Variants in KLC1 observed in about 807,000 individuals in gnomAD.
KLC1 encodes the protein kinesin light chain 1, also known as kinesin 2 60/70kDa.
In KLC1, 30 loss-of-function variants were observed where a neutral mutation model predicts 84.2. The ratio of observed to expected loss-of-function variants is 0.36; its 90% CI spans 0.27 to 0.48. The LOEUF (loss-of-function observed/expected upper bound fraction) is 0.48, where lower values mean the gene tolerates loss of function less well. KLC1 is among the 20% of genes least tolerant of loss of function. The pLI is 0.99. For missense variants in KLC1, 499 were observed against 805.4 expected (o/e 0.62, Z 4.60); for synonymous variants, 289 against 293.3 (o/e 0.99, Z 0.15).
At chr14:103,644,250 G>A (rs1231562211) in intron 1 of KLC1, among the ~76,000 whole-genome samples, 2 of 143,728 alleles carry the variant, frequency 1.4e-5, no homozygotes, top group African/African-American at 2.5e-5. Flanking sequence ...AGTTATTCTC[G>A]ATTCTTTCTA....
chr14:103,666,213 G>A (rs1005736519), intron 5 of KLC1, among the ~76,000 whole-genome samples: 2 of 152,072 alleles, frequency 1.3e-5, no homozygotes, highest in African/African-American at 2.4e-5. Context: ...ACAGGCGCCT[G>A]CCACCGCGCC....
intron 1 of KLC1, among the ~76,000 whole-genome samples, chr14:103,636,235 T>A (rs1175057951): frequency 2.0e-5 from 3 of 152,224 alleles, no homozygotes; most frequent in Non-Finnish European, 4.4e-5. Context: ...TTTTTATTTT[T>A]TTTGAGATGG....
chr14:103,642,688 A>T (rs1456760954), intron 1 of KLC1, among the ~76,000 whole-genome samples: 2 of 152,184 alleles, frequency 1.3e-5, no homozygotes, highest in African/African-American at 2.4e-5. Context: ...GGGACACAGG[A>T]ACCAACTGAA....
intron 1 of KLC1, among the ~76,000 whole-genome samples, chr14:103,645,183 G>C (rs1011608763): frequency 6.6e-6 from 1 of 152,014 alleles, no homozygotes; most frequent in African/African-American, 2.4e-5. Flanking sequence ...ATGTTTGCTA[G>C]GCTGGTCTCG....
chr14:103,648,712 G>T (rs1370761598), intron 1 of KLC1, among the ~76,000 whole-genome samples: 2 of 152,192 alleles, frequency 1.3e-5, no homozygotes, highest in African/African-American at 4.8e-5. Context: ...GAGGTGGGAG[G>T]ATCACTTGAG....
Position 103,670,172 on chromosome 14 carries a change from G to A in KLC1, c.886-10G>A. ...TTTACCATTCTTAGTGGTTCTCTCT[G>A]TGTTGACAGGTGGCGGCGACTTTGA... On this transcript the variant is annotated splice_polypyrimidine_tract_variant and intron_variant, in intron 6 of 16. Transcript: ENST00000334553. 1 of 1,602,826 alleles carries A rather than the reference G, an allele frequency of 6.2e-7. No individual in the cohort carries two copies. Among genetic ancestry groups the A allele is most frequent in the Non-Finnish European group, 8.5e-7 (1 of 1,171,822 alleles).
At chr14:103,656,257 T>C (rs2078835265) in intron 2 of KLC1, among the ~76,000 whole-genome samples, 1 of 152,192 alleles carries the variant, frequency 6.6e-6, no homozygotes, top group Non-Finnish European at 1.5e-5. Context: ...CCACTTACAG[T>C]GGCAGGTCCT....
At chr14:103,670,152 C>T in intron 6 of KLC1, 30 bp from the exon 7 acceptor site, 3 of 1,511,082 alleles carry the variant, frequency 2.0e-6, no homozygotes, top group African/African-American at 1.4e-5. Context: ...TATCTTTTAC[C>T]ATTCTTAGTG....
At chr14:103,687,602 T>G (rs976339103) in intron 14 of KLC1, 1 of 153,954 alleles carries the variant, frequency 6.5e-6, no homozygotes, top group Non-Finnish European at 1.4e-5. Flanking sequence ...AATTTTAATC[T>G]TTTAAATAAA....
intron 13 of KLC1, among the ~76,000 whole-genome samples, chr14:103,681,877 C>T (rs116388220): frequency 0.021 from 3,245 of 152,236 alleles, 102 homozygotes; most frequent in African/African-American, 0.074. Flanking sequence ...AATATTAACA[C>T]GGTTCAGGTC....
At chr14:103,630,568 C>G (rs2076596040) in intron 1 of KLC1, among the ~76,000 whole-genome samples, 2 of 152,136 alleles carry the variant, frequency 1.3e-5, no homozygotes, top group Non-Finnish European at 2.9e-5. Flanking sequence ...AGCCATTGAT[C>G]AGAATCAGCT....
At chr14:103,647,726 A>G (rs920425486) in intron 1 of KLC1, among the ~76,000 whole-genome samples, 1 of 151,480 alleles carries the variant, frequency 6.6e-6, no homozygotes, top group Non-Finnish European at 1.5e-5. Flanking sequence ...AAATACAAAA[A>G]TTAGCTGAGC....
intron 5 of KLC1, among the ~76,000 whole-genome samples, chr14:103,667,396 C>T (rs1030787574): frequency 2.0e-5 from 3 of 152,168 alleles, no homozygotes; most frequent in African/African-American, 7.2e-5. Flanking sequence ...CGTGAGCCAC[C>T]GTGCCCAGCC....
intron 5 of KLC1, among the ~76,000 whole-genome samples, chr14:103,664,991 G>A (rs756875147): frequency 2.0e-5 from 3 of 152,104 alleles, no homozygotes; most frequent in Non-Finnish European, 4.4e-5. Context: ...GGGATGCCAT[G>A]GCCTCTGTCA....
At chr14:103,642,396 G>A (rs2077560984) in intron 1 of KLC1, among the ~76,000 whole-genome samples, 1 of 152,200 alleles carries the variant, frequency 6.6e-6, no homozygotes, top group Non-Finnish European at 1.5e-5. Context: ...AACCTTGATA[G>A]TTTTGAGACA....
chr14:103,699,492 C>G (rs771142980), intron 15 of KLC1: 1 of 1,612,860 alleles, frequency 6.2e-7, no homozygotes, highest in South Asian at 1.1e-5. Context: ...AATGGGGCTG[C>G]CACCGAGTCG....
At chr14:103,684,358 A>G (rs1353768449) in intron 13 of KLC1, among the ~76,000 whole-genome samples, 2 of 152,244 alleles carry the variant, frequency 1.3e-5, no homozygotes, top group East Asian at 1.9e-4. Context: ...CTTTCCCAGT[A>G]ATATAAAGAG....
chr14:103,649,983 C>A (rs931408961), intron 1 of KLC1, among the ~76,000 whole-genome samples: 5 of 152,172 alleles, frequency 3.3e-5, no homozygotes, highest in Admixed American at 6.5e-5. Context: ...GCGTGAGCCA[C>A]CGTGCCCGGC....
rs1422038912 is a variant in KLC1 at position 103,679,279 on chromosome 14, T to G, written c.1489-105T>G. On this transcript the variant is annotated intron_variant, in intron 12 of 16. Coordinates refer to ENST00000334553, the MANE Select transcript of KLC1 (RefSeq NM_001394837.1). ...CTTCCAATGTTTTTCCCTCCAGTGA[T>G]TAAGAACTGTTTTTTTTTTTTTTTT... 5 of 1,433,842 alleles carry G rather than the reference T, an allele frequency of 3.5e-6. No homozygotes were observed. In the Admixed American group the frequency reaches 8.1e-5, roughly 23 times the overall value. The allele number at this position is 1,433,842 out of a possible 1,614,324, so 88.8% of individuals were successfully genotyped here.
Sources: allele counts gnomAD v4.1 joint callset (sites outside exome capture counted in the v4.1 genomes callset), GRCh38; gene constraint gnomAD v4.1.1; transcripts MANE v1.5; gene names NCBI Gene and HGNC (gene_info 2026-07-23, HGNC 2026-07-21).